ZNF804B: variants seen among roughly 807,000 people sequenced by gnomAD.
ZNF804B encodes the protein zinc finger 804B.
A neutral mutation model predicts 101.4 loss-of-function variants in ZNF804B; 80 were observed. The observed-to-expected ratio is 0.79, with a 90% CI of 0.66 to 0.95. ZNF804B has a LOEUF of 0.95. ZNF804B is among the 40% of genes least tolerant of loss of function. The probability of loss-of-function intolerance (pLI) is 0.00; values close to 1 mark genes in which losing one functional copy is unlikely to be tolerated. For missense variants in ZNF804B, 1,673 were observed against 1,561.9 expected, an observed-to-expected ratio of 1.07 and a Z score of -1.20; for synonymous variants, 622 against 558.8, an observed-to-expected ratio of 1.11 and a Z score of -1.59.
chr7:89,279,922 C>T (rs1790058300), intron 2 of ZNF804B, among the ~76,000 whole-genome samples: 1 of 152,094 alleles, frequency 6.6e-6, no homozygotes, highest in Non-Finnish European at 1.5e-5. Flanking sequence ...TAGACATCTA[C>T]AGAACTCTCC....
intron 1 of ZNF804B, among the ~76,000 whole-genome samples, chr7:88,923,861 T>C (rs1290451397): frequency 6.6e-6 from 1 of 152,110 alleles, no homozygotes; most frequent in African/African-American, 2.4e-5. Flanking sequence ...GTTTTTAAGG[T>C]ACCATGATAT....
chr7:89,238,815 G>T (rs11984375), intron 2 of ZNF804B, among the ~76,000 whole-genome samples: 44,089 of 152,012 alleles, frequency 0.29, 6,622 homozygotes, highest in African/African-American at 0.34. Context: ...GTGGAGTTAG[G>T]GCTGTTAGGG....
At chr7:89,173,835 G>A (rs1331897654) in intron 1 of ZNF804B, among the ~76,000 whole-genome samples, 1 of 151,954 alleles carries the variant, frequency 6.6e-6, no homozygotes, top group African/African-American at 2.4e-5. Flanking sequence ...TTAGAGTAGT[G>A]ATTCTTATGA....
chr7:89,150,332 C>T (rs1010419737), intron 1 of ZNF804B, among the ~76,000 whole-genome samples: 1 of 151,888 alleles, frequency 6.6e-6, no homozygotes, highest in African/African-American at 2.4e-5. Context: ...TATTGTTGCC[C>T]CACTAGAAAA....
Position 89,008,056 on chromosome 7 carries a change from T to C in ZNF804B, c.109-210099T>C, listed in dbSNP as rs74622921. 7.9e-3 allele frequency among the ~76,000 whole-genome samples: 1,205 copies of C among 152,238 alleles called. 14 individuals carry two copies. The highest frequency in any genetic ancestry group is 0.027 in the African/African-American group (1,116 of 41,560). On this transcript the variant is annotated intron_variant, in intron 1 of 3. Transcript: ENST00000333190. ...ACTTCTACTTTTACATTAGTCTAGATAATAGAAAATCGGTTAAAGTTATTC... is the reference window on the plus strand; with the variant it reads ...ACTTCTACTTTTACATTAGTCTAGACAATAGAAAATCGGTTAAAGTTATTC...
intron 2 of ZNF804B, among the ~76,000 whole-genome samples, chr7:89,289,902 A>G (rs761450576): frequency 3.3e-5 from 5 of 152,216 alleles, no homozygotes; most frequent in Non-Finnish European, 7.3e-5. Context: ...CATTTGCACC[A>G]TCCCTTTCCC....
intron 2 of ZNF804B, among the ~76,000 whole-genome samples, chr7:89,230,990 C>G (rs1041938219): frequency 6.6e-6 from 1 of 152,006 alleles, no homozygotes; most frequent in African/African-American, 2.4e-5. Context: ...ATTTTGAATG[C>G]AAATCCTTTA....
At chr7:89,057,335 T>C (rs1789312482) in intron 1 of ZNF804B, among the ~76,000 whole-genome samples, 1 of 152,016 alleles carries the variant, frequency 6.6e-6, no homozygotes, top group Non-Finnish European at 1.5e-5. Flanking sequence ...ACTATATTTC[T>C]GTCCAGAAAG....
intron 1 of ZNF804B, among the ~76,000 whole-genome samples, chr7:88,973,708 A>AT (rs1045592060): frequency 6.6e-6 from 1 of 151,354 alleles, no homozygotes; most frequent in African/African-American, 2.4e-5. Flanking sequence ...TTTATTGAGT[A>AT]TTTATGAGAC....
chr7:88,917,995 A>G (rs1792660954), intron 1 of ZNF804B, among the ~76,000 whole-genome samples: 1 of 152,336 alleles, frequency 6.6e-6, no homozygotes, highest in South Asian at 2.1e-4. Context: ...TCCAGAAATA[A>G]TAAAAATAAT....
At chr7:89,299,515 G>C (rs770038075) in intron 2 of ZNF804B, among the ~76,000 whole-genome samples, 1 of 151,892 alleles carries the variant, frequency 6.6e-6, no homozygotes, top group Admixed American at 6.6e-5. Flanking sequence ...GCCAACTAAA[G>C]GCATTTCTGA....
intron 1 of ZNF804B, among the ~76,000 whole-genome samples, chr7:88,811,970 TA>T (rs1287422501): frequency 6.6e-6 from 1 of 151,986 alleles, no homozygotes; most frequent in Admixed American, 6.6e-5. Context: ...CCCAGAACTT[TA>T]AAAAAAATTG....
chr7:88,805,182 A>G (rs926894117), intron 1 of ZNF804B, among the ~76,000 whole-genome samples: 22 of 152,158 alleles, frequency 1.4e-4, no homozygotes, highest in Admixed American at 1.4e-3. Flanking sequence ...CAGAAATTTT[A>G]TAGTCAGGTA....
rs185997347 is a variant in ZNF804B, at chr7:89,165,630, C to G, written c.109-52525C>G. On this transcript the variant is annotated intron_variant, in intron 1 of 3. Transcript: ENST00000333190. ...TGCTAAAATTAATAAACACACTGTA[C>G]GTAAAATTAAATGTCTTTATATACA... 2.0e-5 allele frequency among the ~76,000 whole-genome samples: 3 copies of G among 152,048 alleles called. No homozygotes were observed. In the South Asian group the frequency reaches 6.2e-4, roughly 32 times the overall value.
At chr7:88,761,030 A>G (rs1168607448) in intron 1 of ZNF804B, among the ~76,000 whole-genome samples, 1 of 151,092 alleles carries the variant, frequency 6.6e-6, no homozygotes, top group Non-Finnish European at 1.5e-5. Flanking sequence ...TTAAGTCTGT[A>G]TGATATCAAG....
intron 1 of ZNF804B, among the ~76,000 whole-genome samples, chr7:88,791,754 C>G (rs188856792): frequency 6.6e-6 from 1 of 152,036 alleles, no homozygotes; most frequent in Non-Finnish European, 1.5e-5. Flanking sequence ...AGCTTATACA[C>G]GTATATATTA....
At chr7:88,897,622 A>G (rs1205938895) in intron 1 of ZNF804B, among the ~76,000 whole-genome samples, 1 of 152,188 alleles carries the variant, frequency 6.6e-6, no homozygotes, top group Non-Finnish European at 1.5e-5. Context: ...CGGATTCCTC[A>G]ATTTACAGAT....
chr7:88,897,639 T>C (rs1792310566), intron 1 of ZNF804B, among the ~76,000 whole-genome samples: 1 of 152,152 alleles, frequency 6.6e-6, no homozygotes, highest in Non-Finnish European at 1.5e-5. Context: ...AGATAAAGAA[T>C]CAGAGTCTCA....
chr7:89,019,069 G>T (rs757767684), intron 1 of ZNF804B, among the ~76,000 whole-genome samples: 39 of 151,932 alleles, frequency 2.6e-4, no homozygotes, highest in Admixed American at 3.3e-4. Flanking sequence ...AGGGAGCATT[G>T]TTAGTTTGTT....
Sources: allele counts gnomAD v4.1 joint callset (sites outside exome capture counted in the v4.1 genomes callset), GRCh38; gene constraint gnomAD v4.1.1; transcripts MANE v1.5; gene names NCBI Gene and HGNC (gene_info 2026-07-23, HGNC 2026-07-21).